The following CENPE variants were observed in gnomAD, a reference collection of about 807,000 sequenced individuals.
CENPE encodes centromere-associated protein E.
CENPE carries 145 observed loss-of-function variants against 336.1 expected under a neutral mutation model. The ratio of observed to expected loss-of-function variants is 0.43; its 90% CI spans 0.38 to 0.50. CENPE has a LOEUF of 0.50. Ranked by LOEUF, CENPE falls within the 20% of genes least tolerant of loss-of-function variation. The pLI is 0.00. For synonymous variants in CENPE, 1,013 were observed against 984.8 expected (o/e 1.03, Z -0.54); for missense variants, 2,719 against 3,023.3 (o/e 0.90, Z 2.36).
chr4:103,136,809 C>G (rs1752109214), intron 39 of CENPE, among the ~76,000 whole-genome samples: 1 of 152,114 alleles, frequency 6.6e-6, no homozygotes, highest in African/African-American at 2.4e-5. Context: ...TATTTGTCAG[C>G]TTGGTACAGA....
chr4:103,154,496 C>T (rs972373158), intron 24 of CENPE, among the ~76,000 whole-genome samples: 2 of 152,050 alleles, frequency 1.3e-5, no homozygotes, highest in African/African-American at 4.8e-5. Context: ...TGGCAATATG[C>T]ATGAGCTTCT....
At chr4:103,125,398 C>G (rs1212908806) in intron 42 of CENPE, among the ~76,000 whole-genome samples, 1 of 152,144 alleles carries the variant, frequency 6.6e-6, no homozygotes, top group African/African-American at 2.4e-5. Context: ...ACTGCAATTA[C>G]TTTTGTACCC....
In CENPE at chr4:103,182,906, A is replaced by C; in HGVS notation, c.834-15T>G. ...TTATGAAACCACTTAGCAAGGAATAAGTTTACAGGAGAAAAAGATTGAGAA... is the reference window on the plus strand; with the variant it reads ...TTATGAAACCACTTAGCAAGGAATACGTTTACAGGAGAAAAAGATTGAGAA... On this transcript the variant is annotated splice_polypyrimidine_tract_variant and intron_variant, in intron 10 of 48. Coordinates refer to ENST00000265148, the MANE Select transcript of CENPE (RefSeq NM_001813.3). The C allele has an allele frequency of 1.2e-6, 2 of 1,605,838 alleles. No individual in the cohort carries two copies. Among genetic ancestry groups the C allele is most frequent in the Non-Finnish European group, 1.7e-6 (2 of 1,176,150 alleles).
At chr4:103,140,468 T>C in intron 36 of CENPE, 54 bp from the exon 37 acceptor site, 2 of 1,218,722 alleles carry the variant, frequency 1.6e-6, no homozygotes, top group Non-Finnish European at 2.3e-6. Context: ...ACGTTACCTT[T>C]ACTTAATGAT....
At position 103,139,856 on chromosome 4, in the gene CENPE, C is replaced by T; in HGVS notation, c.6137G>A (p.Arg2046Lys). The T allele has an allele frequency of 6.2e-7, 1 of 1,612,900 alleles. No individual in the cohort carries two copies. Among genetic ancestry groups the T allele is most frequent in the Non-Finnish European group, 8.5e-7 (1 of 1,179,444 alleles). ...TTCCATTTTGAGAGATTCTTTTATC[C>T]TCCTTAGCTCATCTCTTTCTTTAGC... ...IVAKERDELR[R>K]IKESLKMERD... The change falls in exon 38 of 49, where the codon AGG (arginine) becomes AAG (lysine). Residue 2046 changes from arginine (R) to lysine (K), a missense_variant. Physicochemically the swap from Arg to Lys is conservative, Grantham distance 26. Coordinates refer to ENST00000265148, the MANE Select transcript of CENPE (RefSeq NM_001813.3).
intron 40 of CENPE, among the ~76,000 whole-genome samples, chr4:103,135,732 A>C (rs1752009761): frequency 6.6e-6 from 1 of 150,756 alleles, no homozygotes. Flanking sequence ...ACTTAAAACA[A>C]TAGTCTAATG....
intron 24 of CENPE, 109 bp downstream of exon 24, chr4:103,158,191 T>C: frequency 1.3e-6 from 1 of 749,640 alleles, no homozygotes; most frequent in Non-Finnish European, 2.0e-6. Context: ...TTGTTAGTTA[T>C]TACCATTGTG....
rs370495322 is a variant in CENPE at position 103,174,863 on chromosome 4, T to C, written c.1520A>G (p.Tyr507Cys). The change falls in exon 16 of 49, where the codon TAT (tyrosine) becomes TGT (cysteine). Residue 507 changes from tyrosine to cysteine, a missense_variant. Around this residue, in one of 5 missense-constraint regions of CENPE, gnomAD observed 2,437 missense variants for 2,513.3 expected, o/e 0.97. Coordinates refer to ENST00000265148, the MANE Select transcript of CENPE (RefSeq NM_001813.3). ...TTCATAGTCTAATACCAGATTATCA[T>C]AGTCAGCACGAAGTGAGTTCAACTC... The part of the protein sequence containing the change: ...ESELNSLRAD[Y>C]DNLVLDYEQL... 1.5e-5 allele frequency: 23 copies of C among 1,514,704 alleles called. No individual in the cohort carries two copies. Among genetic ancestry groups the C allele is most frequent in the African/African-American group, 4.3e-5 (3 of 70,030 alleles). 93.8% of individuals were successfully genotyped at this position (1,514,704 alleles called of 1,614,324 possible). A position where few individuals can be genotyped will look rare whatever the true frequency, so the allele number is the denominator to read the frequency against.
In CENPE at chr4:103,110,949, C is replaced by T. The variant is rs756483643; in HGVS notation, c.7603G>A (p.Gly2535Ser). The T allele has an allele frequency of 4.2e-5, 67 of 1,610,700 alleles. No homozygotes were observed. The highest frequency in any genetic ancestry group is 2.3e-4 in the South Asian group (21 of 90,628). The change falls in exon 47 of 49, where the codon GGC becomes AGC. Residue 2535 changes from glycine to serine, a missense_variant. Around this residue, in one of 5 missense-constraint regions of CENPE, gnomAD observed 2,437 missense variants for 2,513.3 expected, o/e 0.97. Transcript: ENST00000265148. ...AGAGCTTTTGTGTTTTGTACAATGC[C>T]GCTGCCACCTCCACAAGTTAAGGGT... ...NKPLTCGGGS[G>S]IVQNTKALIL...
chr4:103,170,953 T>A (rs1755352780), intron 16 of CENPE, among the ~76,000 whole-genome samples: 1 of 152,114 alleles, frequency 6.6e-6, no homozygotes, highest in Non-Finnish European at 1.5e-5. Flanking sequence ...CATTACATAA[T>A]GATAAAGGGG....
chr4:103,166,643 T>C (rs1390416075), intron 16 of CENPE, among the ~76,000 whole-genome samples: 1 of 152,140 alleles, frequency 6.6e-6, no homozygotes, highest in South Asian at 2.1e-4. Flanking sequence ...AACTGAACAA[T>C]GATATCGAGG....
chr4:103,110,782 G>A, intron 47 of CENPE, 46 bp downstream of exon 47: 1 of 1,426,228 alleles, frequency 7.0e-7, no homozygotes, highest in Non-Finnish European at 9.5e-7. Flanking sequence ...CTACATATAT[G>A]TAATAGCCGT....
chr4:103,184,967 T>C (rs547094953), intron 9 of CENPE, among the ~76,000 whole-genome samples: 15 of 152,176 alleles, frequency 9.9e-5, no homozygotes, highest in Non-Finnish European at 1.5e-4. Flanking sequence ...AGTATGCTTC[T>C]CCATTTTTTC....
intron 9 of CENPE, 150 bp from the exon 10 acceptor site, chr4:103,183,438 T>C (rs1756487405): frequency 3.5e-6 from 2 of 565,460 alleles, no homozygotes; most frequent in African/African-American, 1.9e-5. Flanking sequence ...ATATCAGTGG[T>C]AGAAAGAGCT....
At chr4:103,167,586 C>G (rs1755029020) in intron 16 of CENPE, among the ~76,000 whole-genome samples, 1 of 152,086 alleles carries the variant, frequency 6.6e-6, no homozygotes, top group Non-Finnish European at 1.5e-5. Context: ...TGCTCACATC[C>G]CCCCAAAACA....
At chr4:103,147,699 T>C in intron 28 of CENPE, 53 bp from the exon 29 acceptor site, 1 of 604,116 alleles carries the variant, frequency 1.7e-6, no homozygotes, top group Non-Finnish European at 2.3e-6. Flanking sequence ...ATGATCATAA[T>C]TTTTTTTTTT....
At chr4:103,109,352 G>C (rs1749187622) in intron 47 of CENPE, among the ~76,000 whole-genome samples, 1 of 152,126 alleles carries the variant, frequency 6.6e-6, no homozygotes, top group Non-Finnish European at 1.5e-5. Flanking sequence ...AAAGCTCTAA[G>C]TACAACATTA....
At chr4:103,127,713 G>GTC (rs1294813709) in intron 42 of CENPE, among the ~76,000 whole-genome samples, 15 of 151,952 alleles carry the variant, frequency 9.9e-5, no homozygotes, top group Non-Finnish European at 1.9e-4. Flanking sequence ...TTGAAATTGG[G>GTC]CTCAGATTAG....
rs2125975587 is a variant in CENPE at position 103,160,973 on chromosome 4, A to C, written c.2131+113T>G. On this transcript the variant is annotated intron_variant, in intron 20 of 48. Transcript: ENST00000265148. Reference sequence around the variant, plus strand: ...AACTAAAACGTAATATTGAGTTTTTAAAAAGTCAGAGTATAATGAATTTTT... The same window carrying C: ...AACTAAAACGTAATATTGAGTTTTTCAAAAGTCAGAGTATAATGAATTTTT... The C allele has an allele frequency of 3.9e-6, 4 of 1,036,144 alleles. No homozygotes were observed. The East Asian group carries it at 1.0e-4, about 27-fold the overall frequency. 64.2% of individuals were successfully genotyped at this position (1,036,144 alleles called of 1,614,324 possible).
Sources: gnomAD v4.1 joint callset for allele counts (sites outside exome capture counted in the v4.1 genomes callset) on GRCh38, gnomAD v4.1.1 for gene constraint, gnomAD v4.1.1 regional missense constraint, MANE v1.5 for transcripts, NCBI Gene and HGNC (gene_info 2026-07-23, HGNC 2026-07-21) for gene names.